The following PROCR variants were observed in gnomAD, a reference collection of about 807,000 sequenced individuals.
The protein encoded by PROCR is protein C receptor.
Under a neutral mutation model 24.2 loss-of-function variants are expected in PROCR, and 22 were observed. The ratio of observed to expected loss-of-function variants is 0.91; its 90% CI spans 0.65 to 1.30. The LOEUF is 1.30. PROCR is among the 50% of genes most tolerant of loss of function. The pLI, the probability that PROCR is intolerant of heterozygous loss-of-function variation, is 0.00. For missense variants in PROCR, 288 were observed against 307.7 expected, an observed-to-expected ratio of 0.94 and a Z score of 0.48; for synonymous variants, 137 against 139.2, an observed-to-expected ratio of 0.98 and a Z score of 0.11.
intron 1 of PROCR, among the ~76,000 whole-genome samples, chr20:35,206,692 C>A (rs1197650054): frequency 6.6e-6 from 1 of 151,960 alleles, no homozygotes; most frequent in African/African-American, 2.4e-5. Context: ...TGAAAAAAAT[C>A]CCTGACAATA....
At chr20:35,215,637 G>T (rs964504230) in intron 1 of PROCR, among the ~76,000 whole-genome samples, 6 of 152,090 alleles carry the variant, frequency 3.9e-5, no homozygotes, top group Admixed American at 2.0e-4. Context: ...TGAATTTAGT[G>T]TCAGACACTT....
At chr20:35,176,037 C>A in intron 2 of PROCR, 131 bp from the exon 3 acceptor site, 3 of 1,085,100 alleles carry the variant, frequency 2.8e-6, no homozygotes, top group Non-Finnish European at 4.2e-6. Context: ...CCCCATAGTT[C>A]CCTGACCTAG....
chr20:35,197,979 G>A (rs1004184444), intron 1 of PROCR, among the ~76,000 whole-genome samples: 7 of 151,736 alleles, frequency 4.6e-5, no homozygotes, highest in Non-Finnish European at 5.9e-5. Context: ...TAAATGCAAA[G>A]TAAAAGTTCT....
At chr20:35,192,851 G>A (rs185564649) in intron 1 of PROCR, among the ~76,000 whole-genome samples, 8 of 152,222 alleles carry the variant, frequency 5.3e-5, no homozygotes, top group Non-Finnish European at 1.0e-4. Context: ...AGTATTCTTT[G>A]TAATATCCCC....
At chr20:35,215,850 G>A (rs1172000501) in intron 1 of PROCR, 18 of 985,068 alleles carry the variant, frequency 1.8e-5, no homozygotes, top group Non-Finnish European at 2.2e-5. Flanking sequence ...TCCTAAGCTG[G>A]ACTGTGCTCT....
intron 1 of PROCR, among the ~76,000 whole-genome samples, chr20:35,198,067 G>A (rs921747376): frequency 5.9e-5 from 9 of 151,880 alleles, no homozygotes; most frequent in South Asian, 2.1e-4. Flanking sequence ...GGTGGATCAC[G>A]AGGTCAGGAG....
chr20:35,199,780 G>C (rs559671301), intron 1 of PROCR, among the ~76,000 whole-genome samples: 3 of 151,710 alleles, frequency 2.0e-5, no homozygotes, highest in African/African-American at 7.3e-5. Flanking sequence ...ATAGGCTAGA[G>C]CTGCCATAGA....
upstream of PROCR, among the ~76,000 whole-genome samples, chr20:35,171,538 G>A (rs1158993998): frequency 6.6e-6 from 1 of 152,146 alleles, no homozygotes; most frequent in Admixed American, 6.5e-5. Context: ...ATGCTGCAGT[G>A]AACTGCTTTA....
chr20:35,210,407 T>C (rs2146181161), intron 1 of PROCR, among the ~76,000 whole-genome samples: 1 of 151,874 alleles, frequency 6.6e-6, no homozygotes, highest in Non-Finnish European at 1.5e-5. Flanking sequence ...ATTAGGTGGG[T>C]GTGGTGGCAC....
At chr20:35,212,669 G>T (rs186706218) in intron 1 of PROCR, among the ~76,000 whole-genome samples, 117 of 152,316 alleles carry the variant, frequency 7.7e-4, no homozygotes, top group Admixed American at 1.2e-3. Context: ...TACTTAGGTT[G>T]ATTTTGGTGT....
chr20:35,191,303 G>A (rs773344639), intron 1 of PROCR, among the ~76,000 whole-genome samples: 19 of 152,034 alleles, frequency 1.2e-4, no homozygotes, highest in African/African-American at 3.6e-4. Context: ...TTATTGAGTC[G>A]GGTCACTAGA....
At chr20:35,178,516 T>TG (rs1355658071), downstream of PROCR, among the ~76,000 whole-genome samples, 2 of 48,880 alleles carry the variant, frequency 4.1e-5, 1 homozygote, top group African/African-American at 3.4e-4. Context: ...AGTTTTTTTT[T>TG]TTTTTTTTTT....
intron 1 of PROCR, chr20:35,195,438 T>A (rs950096006): frequency 1.5e-4 from 23 of 152,098 alleles, no homozygotes; most frequent in Non-Finnish European, 2.9e-4. Context: ...ATTAAAAAAA[T>A]GTTTTTAAAC....
At chr20:35,206,416 A>C (rs1002664056) in intron 1 of PROCR, among the ~76,000 whole-genome samples, 38 of 143,362 alleles carry the variant, frequency 2.7e-4, no homozygotes, top group African/African-American at 9.4e-4. Context: ...CAGAGGTTGC[A>C]GTAAGCCAAG....
At chr20:35,196,950 G>A (rs1211889328) in intron 1 of PROCR, among the ~76,000 whole-genome samples, 3 of 152,236 alleles carry the variant, frequency 2.0e-5, no homozygotes, top group Middle Eastern at 3.4e-3. Context: ...AAGGTAAAGG[G>A]ACCCATATAC....
At chr20:35,173,205 C>A (rs1482157122) in intron 1 of PROCR, among the ~76,000 whole-genome samples, 1 of 152,088 alleles carries the variant, frequency 6.6e-6, no homozygotes, top group Non-Finnish European at 1.5e-5. Context: ...GTGTAGGAAG[C>A]AGAGATTACC....
intron 1 of PROCR, among the ~76,000 whole-genome samples, chr20:35,211,005 G>A (rs956858172): frequency 6.6e-6 from 1 of 152,170 alleles, no homozygotes; most frequent in Non-Finnish European, 1.5e-5. Flanking sequence ...GAGCCACCAT[G>A]CCTGGCCTTT....
intron 1 of PROCR, among the ~76,000 whole-genome samples, chr20:35,187,092 T>A (rs117556175): frequency 0.032 from 4,807 of 152,300 alleles, 109 homozygotes; most frequent in Non-Finnish European, 0.05. Context: ...GCTCTGTCAC[T>A]CAGGCTGGAG....
At chr20:35,178,507 G>GTTTTGTT (rs1272557859), downstream of PROCR, among the ~76,000 whole-genome samples, 13 of 34,376 alleles carry the variant, frequency 3.8e-4, 3 homozygotes, top group East Asian at 1.7e-3. Flanking sequence ...TCAAGTCTCA[G>GTTTTGTT]TTTTTTTTTT....
Sources: gnomAD v4.1 joint callset for allele counts (sites outside exome capture counted in the v4.1 genomes callset) on GRCh38, gnomAD v4.1.1 for gene constraint, MANE v1.5 for transcripts, NCBI Gene and HGNC (gene_info 2026-07-23, HGNC 2026-07-21) for gene names.